LUZP2: variants seen among roughly 807,000 people sequenced by gnomAD.
LUZP2 encodes leucine zipper protein 2.
In LUZP2, 52 loss-of-function variants were observed where a neutral mutation model predicts 51.6. That is an observed-to-expected ratio of 1.01 (90% CI 0.81 to 1.27). The LOEUF is 1.27. Among genes scored for constraint, LUZP2 ranks in the 50% most tolerant of loss-of-function variants. LUZP2 has a pLI of 0.00. For missense variants in LUZP2, 436 were observed against 395.4 expected (o/e 1.10, Z -0.87); for synonymous variants, 154 against 137.3 (o/e 1.12, Z -0.85).
At chr11:24,918,249 G>A (rs963746070) in intron 7 of LUZP2, among the ~76,000 whole-genome samples, 2 of 152,030 alleles carry the variant, frequency 1.3e-5, no homozygotes, top group Non-Finnish European at 2.9e-5. Flanking sequence ...AGACGATGGG[G>A]TTTTCTAGAT....
intron 1 of LUZP2, among the ~76,000 whole-genome samples, chr11:24,526,992 C>T (rs116365432): frequency 0.01 from 1,521 of 151,352 alleles, 31 homozygotes; most frequent in African/African-American, 0.034. Context: ...GATTTTTGCC[C>T]ATTGTTAAAC....
At chr11:24,920,984 A>G (rs1222312289) in intron 7 of LUZP2, among the ~76,000 whole-genome samples, 2 of 152,180 alleles carry the variant, frequency 1.3e-5, no homozygotes, top group Admixed American at 6.5e-5. Flanking sequence ...CATAAAAATA[A>G]TATATCCATT....
intron 5 of LUZP2, among the ~76,000 whole-genome samples, chr11:24,840,639 G>T (rs1342766433): frequency 6.6e-6 from 1 of 151,846 alleles, no homozygotes; most frequent in African/African-American, 2.4e-5. Flanking sequence ...TCTGGAGATG[G>T]GGGCTTAGGA....
At chr11:24,687,006 A>C (rs765127060) in intron 1 of LUZP2, among the ~76,000 whole-genome samples, 1 of 152,194 alleles carries the variant, frequency 6.6e-6, no homozygotes, top group African/African-American at 2.4e-5. Flanking sequence ...GTGCCACATA[A>C]AATGAATTAT....
intron 1 of LUZP2, among the ~76,000 whole-genome samples, chr11:24,690,999 T>C: frequency 6.6e-6 from 1 of 152,110 alleles, no homozygotes; most frequent in Non-Finnish European, 1.5e-5. Context: ...GTTTTCTGTT[T>C]AAAAATAATG....
chr11:24,731,121 T>C lies in LUZP2; in HGVS notation c.181-997T>C, dbSNP rs142494801. On this transcript the variant is annotated intron_variant, in intron 2 of 11. Transcript: ENST00000336930. ...TACAGTAGGGAAGAGGTTTGTCTTG[T>C]AAAGTTCATCCCACTTCATTCCTGT... 1.5e-4 allele frequency among the ~76,000 whole-genome samples: 23 copies of C among 151,886 alleles called. No individual in the cohort carries two copies. In the East Asian group the frequency reaches 4.5e-3, roughly 29 times the overall value.
At chr11:24,602,376 A>T (rs188475581) in intron 1 of LUZP2, among the ~76,000 whole-genome samples, 1 of 66,266 alleles carries the variant, frequency 1.5e-5, no homozygotes, top group Non-Finnish European at 3.2e-5. Flanking sequence ...GTGTGTGTGT[A>T]TATATATATA....
At chr11:24,528,667 A>T (rs1850896005) in intron 1 of LUZP2, among the ~76,000 whole-genome samples, 1 of 151,016 alleles carries the variant, frequency 6.6e-6, no homozygotes, top group Non-Finnish European at 1.5e-5. Flanking sequence ...CCCTCTGATC[A>T]TTTTCTATGG....
chr11:24,854,754 G>A (rs1851504414), intron 5 of LUZP2, among the ~76,000 whole-genome samples: 1 of 152,146 alleles, frequency 6.6e-6, no homozygotes, highest in Non-Finnish European at 1.5e-5. Flanking sequence ...CAGTGCCCTG[G>A]TGGTGTAGGC....
intron 5 of LUZP2, among the ~76,000 whole-genome samples, chr11:24,881,509 A>G (rs1181250777): frequency 1.3e-5 from 2 of 151,764 alleles, no homozygotes; most frequent in Admixed American, 6.6e-5. Flanking sequence ...GACTTTGTCT[A>G]CCTGAGATGT....
At position 24,677,906 on chromosome 11, in the gene LUZP2, G is replaced by A. The variant is rs1203017403; in HGVS notation, c.63-51263G>A. On this transcript the variant is annotated intron_variant, in intron 1 of 11. Coordinates refer to ENST00000336930, the MANE Select transcript of LUZP2 (RefSeq NM_001009909.4). ...CAAAAAATTAGCCGGGCATGGTGGCGGGCGCCTGTAGTCCCAGCTACTCGG... is the reference window on the plus strand; with the variant it reads ...CAAAAAATTAGCCGGGCATGGTGGCAGGCGCCTGTAGTCCCAGCTACTCGG... Among the ~76,000 whole-genome samples, 12 of 151,888 alleles carry A rather than the reference G, an allele frequency of 7.9e-5. No homozygotes were observed. In the South Asian group the frequency reaches 8.3e-4, roughly 11 times the overall value.
intron 5 of LUZP2, among the ~76,000 whole-genome samples, chr11:24,870,818 T>G (rs1435140163): frequency 1.3e-5 from 2 of 152,146 alleles, no homozygotes; most frequent in Non-Finnish European, 2.9e-5. Context: ...CCTGATCATT[T>G]CGTTGTAAGA....
chr11:24,856,254 C>T (rs73440176), intron 5 of LUZP2, among the ~76,000 whole-genome samples: 10,105 of 151,800 alleles, frequency 0.067, 500 homozygotes, highest in African/African-American at 0.14. Context: ...CAAGAAACAA[C>T]TCCATTTAAA....
chr11:24,938,439 A>G (rs1054883242), intron 7 of LUZP2, among the ~76,000 whole-genome samples: 1 of 152,196 alleles, frequency 6.6e-6, no homozygotes, highest in African/African-American at 2.4e-5. Flanking sequence ...TCTTAGATGC[A>G]TCAGACTCCT....
chr11:24,695,848 AG>A (rs1857230397), intron 1 of LUZP2, among the ~76,000 whole-genome samples: 1 of 152,016 alleles, frequency 6.6e-6, no homozygotes, highest in South Asian at 2.1e-4. Context: ...GGGATGAGAT[AG>A]CATTCGAGTG....
intron 1 of LUZP2, among the ~76,000 whole-genome samples, chr11:24,625,390 AG>A (rs1590259504): frequency 2.0e-5 from 3 of 151,896 alleles, no homozygotes; most frequent in East Asian, 3.9e-4. Context: ...GAAGGAAGGT[AG>A]GAAAAAAAAG....
chr11:24,577,133 T>A, intron 1 of LUZP2, among the ~76,000 whole-genome samples: 1 of 136,236 alleles, frequency 7.3e-6, no homozygotes, highest in Non-Finnish European at 1.6e-5. Flanking sequence ...ATAGTATAAT[T>A]AATTGTTTAT....
chr11:25,006,114 G>T (rs891555248), intron 9 of LUZP2, among the ~76,000 whole-genome samples: 4 of 152,040 alleles, frequency 2.6e-5, no homozygotes, highest in African/African-American at 9.7e-5. Context: ...CTATGATTGT[G>T]CTTTGGGCAA....
intron 1 of LUZP2, among the ~76,000 whole-genome samples, chr11:24,527,599 A>ACACACACACAG (rs112511900): frequency 8.1e-5 from 12 of 148,834 alleles, no homozygotes; most frequent in African/African-American, 2.7e-4. Flanking sequence ...ACACACACAC[A>ACACACACACAG]TTTATTTGTT....
Sources: gnomAD v4.1 joint callset for allele counts (sites outside exome capture counted in the v4.1 genomes callset) on GRCh38, gnomAD v4.1.1 for gene constraint, MANE v1.5 for transcripts, NCBI Gene and HGNC (gene_info 2026-07-23, HGNC 2026-07-21) for gene names.